Variants in OLA1 observed in about 807,000 individuals in gnomAD.
The protein encoded by OLA1 is Obg like ATPase 1, also known as obg-like ATPase 1.
Under a neutral mutation model 48.4 loss-of-function variants are expected in OLA1, and 14 were observed. That is an observed-to-expected ratio of 0.29 (90% CI 0.19 to 0.45). The LOEUF (loss-of-function observed/expected upper bound fraction) is 0.45. OLA1 is among the 20% of genes least tolerant of loss of function. OLA1 has a pLI of 1.00. For missense variants in OLA1, 325 were observed against 467.1 expected, an observed-to-expected ratio of 0.70 and a Z score of 2.80; for synonymous variants, 127 against 150.4, an observed-to-expected ratio of 0.84 and a Z score of 1.14.
intron 4 of OLA1, among the ~76,000 whole-genome samples, chr2:174,219,423 CTTTTTTTTTTTTTTTT>C (rs372577919): frequency 2.1e-5 from 2 of 94,896 alleles, no homozygotes; most frequent in African/African-American, 4.4e-5. Flanking sequence ...TTTTATTTCC[CTTTTTTTTTTTTTTTT>C]TTTTTTTTTG....
intron 4 of OLA1, among the ~76,000 whole-genome samples, chr2:174,144,176 C>T (rs575976811): frequency 2.6e-5 from 4 of 152,218 alleles, no homozygotes; most frequent in African/African-American, 9.6e-5. Context: ...CTTACCTAGA[C>T]TCTGCCAAGG....
chr2:174,154,227 C>T (rs1686816625), intron 4 of OLA1, among the ~76,000 whole-genome samples: 1 of 151,850 alleles, frequency 6.6e-6, no homozygotes, highest in Non-Finnish European at 1.5e-5. Flanking sequence ...ATTGAGCTGA[C>T]TGTTTCTGTT....
intron 3 of OLA1, among the ~76,000 whole-genome samples, chr2:174,227,192 G>T (rs889784283): frequency 3.9e-5 from 6 of 151,990 alleles, no homozygotes; most frequent in Non-Finnish European, 8.8e-5. Context: ...AATGCTTGAG[G>T]CCGACAGTTC....
intron 7 of OLA1, among the ~76,000 whole-genome samples, chr2:174,110,445 C>T (rs1685621650): frequency 6.6e-6 from 1 of 150,930 alleles, no homozygotes; most frequent in Admixed American, 6.6e-5. Flanking sequence ...AGACACCGTG[C>T]CCGGCCAATT....
intron 9 of OLA1, among the ~76,000 whole-genome samples, chr2:174,079,968 T>C (rs1488549319): frequency 6.6e-6 from 1 of 152,000 alleles, no homozygotes; most frequent in Non-Finnish European, 1.5e-5. Flanking sequence ...GCCCAGAACA[T>C]GCTATCTTTC....
intron 4 of OLA1, among the ~76,000 whole-genome samples, chr2:174,209,135 T>C (rs911949252): frequency 4.6e-5 from 7 of 152,168 alleles, no homozygotes; most frequent in African/African-American, 1.7e-4. Context: ...AGCTTCTAAA[T>C]AAATAAATAA....
At chr2:174,243,452 T>A (rs1689053957) in intron 2 of OLA1, among the ~76,000 whole-genome samples, 1 of 152,158 alleles carries the variant, frequency 6.6e-6, no homozygotes, top group South Asian at 2.1e-4. Context: ...TGTCTCCTTA[T>A]CACTAAATCT....
intron 7 of OLA1, among the ~76,000 whole-genome samples, chr2:174,092,185 A>AGGAGG (rs1341460531): frequency 2.1e-4 from 32 of 151,152 alleles, no homozygotes; most frequent in Non-Finnish European, 4.3e-4. Flanking sequence ...GAGAGGAGAG[A>AGGAGG]GGAGGGGAGG....
chr2:174,198,964 T>C (rs974448434), intron 4 of OLA1, among the ~76,000 whole-genome samples: 3 of 152,210 alleles, frequency 2.0e-5, no homozygotes, highest in Non-Finnish European at 4.4e-5. Flanking sequence ...AATGTATTCA[T>C]CACAATTAAA....
intron 10 of OLA1, among the ~76,000 whole-genome samples, chr2:174,078,165 T>C (rs1049910205): frequency 6.6e-6 from 1 of 152,032 alleles, no homozygotes; most frequent in African/African-American, 2.4e-5. Context: ...AATAAACTTT[T>C]TTGTATTCCT....
chr2:174,152,630 T>C (rs981527329), intron 4 of OLA1, among the ~76,000 whole-genome samples: 8 of 152,206 alleles, frequency 5.3e-5, no homozygotes, highest in Admixed American at 3.9e-4. Flanking sequence ...TCAGTGAATA[T>C]ATATTTAGAT....
rs540906967 is a variant in OLA1, at chr2:174,192,814, T to C, written c.373+30219A>G. Among the ~76,000 whole-genome samples, 155 of 152,340 alleles carry C rather than the reference T, an allele frequency of 1.0e-3. 1 individual carries two copies. In the South Asian group the frequency reaches 0.014, roughly 14 times the overall value. On this transcript the variant is annotated intron_variant, in intron 4 of 10. Transcript: ENST00000284719. Reference sequence around the variant, plus strand: ...CAGCACTTCCAAAGTGTCATTCCACTGTCTCCTAGCTTCCATAGTTTCGAA... The same window carrying C: ...CAGCACTTCCAAAGTGTCATTCCACCGTCTCCTAGCTTCCATAGTTTCGAA...
At chr2:174,212,441 T>TGGA (rs1174051043) in intron 4 of OLA1, among the ~76,000 whole-genome samples, 1 of 152,240 alleles carries the variant, frequency 6.6e-6, no homozygotes, top group African/African-American at 2.4e-5. Flanking sequence ...TGTGAATGAC[T>TGGA]GGAACATTGA....
At chr2:174,212,359 G>A (rs1267871427) in intron 4 of OLA1, among the ~76,000 whole-genome samples, 1 of 152,138 alleles carries the variant, frequency 6.6e-6, no homozygotes, top group Admixed American at 6.6e-5. Flanking sequence ...ATCTGTATAG[G>A]GCACTTGCCA....
intron 7 of OLA1, among the ~76,000 whole-genome samples, chr2:174,110,206 C>A (rs1472397434): frequency 6.7e-6 from 1 of 150,034 alleles, no homozygotes; most frequent in Non-Finnish European, 1.5e-5. Context: ...GTTCGATCTC[C>A]GCTCACTGCA....
chr2:174,154,258 C>T (rs1446476875), intron 4 of OLA1, among the ~76,000 whole-genome samples: 6 of 152,162 alleles, frequency 3.9e-5, no homozygotes, highest in African/African-American at 1.2e-4. Flanking sequence ...TTTGCAATAG[C>T]CATCTCGCTA....
chr2:174,076,053 G>C (rs1181988663), intron 10 of OLA1, among the ~76,000 whole-genome samples: 1 of 152,166 alleles, frequency 6.6e-6, no homozygotes, highest in Non-Finnish European at 1.5e-5. Context: ...ATTTAGTCTT[G>C]ACAATGTGTA....
At chr2:174,172,873 A>C (rs766392169) in intron 4 of OLA1, 4 of 152,348 alleles carry the variant, frequency 2.6e-5, no homozygotes, top group Non-Finnish European at 5.9e-5. Context: ...TGCTGTCCTC[A>C]CCATAAGGAG....
intron 7 of OLA1, among the ~76,000 whole-genome samples, chr2:174,119,531 C>T (rs1190826007): frequency 6.6e-6 from 1 of 152,046 alleles, no homozygotes; most frequent in African/African-American, 2.4e-5. Flanking sequence ...TACATATACA[C>T]TTACTGAGAT....
Sources: gnomAD v4.1 joint callset for allele counts (sites outside exome capture counted in the v4.1 genomes callset) on GRCh38, gnomAD v4.1.1 for gene constraint, MANE v1.5 for transcripts, NCBI Gene and HGNC (gene_info 2026-07-23, HGNC 2026-07-21) for gene names.